PDE10A: variants seen among roughly 807,000 people sequenced by gnomAD.
PDE10A encodes the protein phosphodiesterase 10A, also known as cAMP and cAMP-inhibited cGMP 3',5'-cyclic phosphodiesterase 10A.
PDE10A carries 39 observed loss-of-function variants against 97.7 expected under a neutral mutation model. The observed-to-expected ratio is 0.40, with a 90% CI of 0.31 to 0.52. The LOEUF (loss-of-function observed/expected upper bound fraction) is 0.52, where lower values mean the gene tolerates loss of function less well. Ranked by LOEUF, PDE10A falls within the 20% of genes least tolerant of loss-of-function variation. The probability of loss-of-function intolerance (pLI) is 0.56; values close to 1 mark genes in which losing one functional copy is unlikely to be tolerated. For synonymous variants in PDE10A, 371 were observed against 376.8 expected, an observed-to-expected ratio of 0.98 and a Z score of 0.18; for missense variants, 731 against 1,047.8, an observed-to-expected ratio of 0.70 and a Z score of 4.17.
chr6:165,391,514 A>C (rs984183074), intron 16 of PDE10A, among the ~76,000 whole-genome samples: 1 of 152,218 alleles, frequency 6.6e-6, no homozygotes, highest in Non-Finnish European at 1.5e-5. Context: ...AATGGAGAAA[A>C]TGCTGAAAGT....
intron 1 of PDE10A, among the ~76,000 whole-genome samples, chr6:165,725,028 G>A (rs1014714725): frequency 2.6e-5 from 4 of 152,208 alleles, no homozygotes; most frequent in African/African-American, 7.2e-5. Flanking sequence ...TTTTCAGAAC[G>A]ATGTGGACGC....
chr6:165,964,358 A>G (rs1225566145), intron 1 of PDE10A, among the ~76,000 whole-genome samples: 1 of 151,864 alleles, frequency 6.6e-6, no homozygotes, highest in African/African-American at 2.4e-5. Flanking sequence ...ACACTCAACT[A>G]CTCTTTTATT....
At chr6:165,582,431 T>C (rs1189161142) in intron 1 of PDE10A, among the ~76,000 whole-genome samples, 2 of 152,208 alleles carry the variant, frequency 1.3e-5, no homozygotes, top group African/African-American at 4.8e-5. Context: ...CAGGACTGTA[T>C]TTCAAATTAA....
intron 1 of PDE10A, among the ~76,000 whole-genome samples, chr6:165,748,835 A>T (rs1017997858): frequency 1.4e-4 from 19 of 138,572 alleles, no homozygotes; most frequent in African/African-American, 5.1e-4. Context: ...TGTGTGTGTG[A>T]TTTCACTCTC....
chr6:165,598,342 G>A (rs778538500), intron 1 of PDE10A, among the ~76,000 whole-genome samples: 9 of 152,156 alleles, frequency 5.9e-5, no homozygotes, highest in Admixed American at 1.3e-4. Context: ...ATGTTTAAGA[G>A]TCACATGCAA....
At chr6:165,723,428 C>CA (rs1436287283) in intron 1 of PDE10A, among the ~76,000 whole-genome samples, 1 of 152,100 alleles carries the variant, frequency 6.6e-6, no homozygotes, top group Non-Finnish European at 1.5e-5. Context: ...GACTGTGCTG[C>CA]AAAAAATAGT....
chr6:165,611,356 A>C (rs1325440917), intron 1 of PDE10A, among the ~76,000 whole-genome samples: 1 of 152,166 alleles, frequency 6.6e-6, no homozygotes, highest in Admixed American at 6.5e-5. Context: ...CTGCTTACCA[A>C]CCACAGTGAA....
intron 1 of PDE10A, among the ~76,000 whole-genome samples, chr6:165,726,572 C>T (rs1017449006): frequency 1.3e-5 from 2 of 152,114 alleles, no homozygotes; most frequent in South Asian, 2.1e-4. Context: ...CCACGATGCC[C>T]GCTCCCCCCG....
At chr6:165,747,261 T>G (rs542183971) in intron 1 of PDE10A, among the ~76,000 whole-genome samples, 1 of 152,340 alleles carries the variant, frequency 6.6e-6, no homozygotes, top group Non-Finnish European at 1.5e-5. Context: ...TAAAACGTTT[T>G]AAATGAATAT....
At chr6:165,865,497 T>TA (rs1343462400) in intron 1 of PDE10A, among the ~76,000 whole-genome samples, 1 of 151,750 alleles carries the variant, frequency 6.6e-6, no homozygotes, top group Non-Finnish European at 1.5e-5. Context: ...ATTATGATAT[T>TA]AAAAAAACTT....
intron 3 of PDE10A, among the ~76,000 whole-genome samples, chr6:165,475,212 A>G (rs1779228175): frequency 6.6e-6 from 1 of 152,212 alleles, no homozygotes; most frequent in African/African-American, 2.4e-5. Context: ...ATTGTTTCCT[A>G]TAACAAAACT....
chr6:165,784,728 C>A (rs987646010), intron 1 of PDE10A, among the ~76,000 whole-genome samples: 3 of 152,132 alleles, frequency 2.0e-5, no homozygotes, highest in Non-Finnish European at 4.4e-5. Flanking sequence ...GACACTGAGA[C>A]AAGCTAGATG....
intron 19 of PDE10A, among the ~76,000 whole-genome samples, chr6:165,341,052 G>T (rs563280474): frequency 6.6e-6 from 1 of 152,228 alleles, no homozygotes; most frequent in Non-Finnish European, 1.5e-5. Flanking sequence ...GTAATGGCAA[G>T]GAATTCAGTT....
chr6:165,896,861 G>C (rs1007273074), intron 1 of PDE10A, among the ~76,000 whole-genome samples: 3 of 151,958 alleles, frequency 2.0e-5, no homozygotes, highest in African/African-American at 7.3e-5. Flanking sequence ...GTAGAGACGG[G>C]GTTTCACCAT....
At chr6:165,566,179 A>G (rs555876893) in intron 1 of PDE10A, among the ~76,000 whole-genome samples, 3 of 152,360 alleles carry the variant, frequency 2.0e-5, no homozygotes, top group Admixed American at 6.5e-5. Flanking sequence ...TGCAAAACAC[A>G]TATCAGATAA....
At chr6:165,413,462 T>C (rs753741133) in intron 13 of PDE10A, 39 bp downstream of exon 13, 2 of 1,381,696 alleles carry the variant, frequency 1.4e-6, no homozygotes, top group Non-Finnish European at 2.0e-6. Flanking sequence ...CAAATTAATA[T>C]TGAGTAGTAA....
chr6:165,361,011 T>G (rs1583112496), intron 18 of PDE10A, among the ~76,000 whole-genome samples: 1 of 152,296 alleles, frequency 6.6e-6, no homozygotes, highest in Middle Eastern at 3.4e-3. Flanking sequence ...TCTTGCCACT[T>G]AAATTCAGCA....
intron 1 of PDE10A, among the ~76,000 whole-genome samples, chr6:165,777,942 A>T (rs1778235196): frequency 6.6e-6 from 1 of 152,156 alleles, no homozygotes; most frequent in East Asian, 1.9e-4. Flanking sequence ...TCCTTTAAAA[A>T]AATAGTTTTA....
chr6:165,891,391 G>T (rs1207789748), intron 1 of PDE10A, among the ~76,000 whole-genome samples: 1 of 152,152 alleles, frequency 6.6e-6, no homozygotes, highest in Non-Finnish European at 1.5e-5. Context: ...GCATTTGGGG[G>T]TGAGTTGTCG....
Sources: gnomAD v4.1 joint callset for allele counts (sites outside exome capture counted in the v4.1 genomes callset) on GRCh38, gnomAD v4.1.1 for gene constraint, MANE v1.5 for transcripts, NCBI Gene and HGNC (gene_info 2026-07-23, HGNC 2026-07-21) for gene names.